The following CD226 variants were observed in gnomAD, a reference collection of about 807,000 sequenced individuals.
CD226 encodes CD226 molecule, also known as CD226 antigen.
CD226 carries 24 observed loss-of-function variants against 34.9 expected under a neutral mutation model. That is an observed-to-expected ratio of 0.69 (90% CI 0.50 to 0.97). The LOEUF (loss-of-function observed/expected upper bound fraction) is 0.97. Ranked by LOEUF, CD226 falls within the 50% of genes least tolerant of loss-of-function variation. The probability of loss-of-function intolerance (pLI) is 0.00; values close to 1 mark genes in which losing one functional copy is unlikely to be tolerated. For missense variants in CD226, 397 were observed against 412.7 expected (o/e 0.96, Z 0.33); for synonymous variants, 148 against 147.4 (o/e 1.00, Z -0.03).
At chr18:69,915,560 G>A (rs1289590589) in intron 2 of CD226, among the ~76,000 whole-genome samples, 4 of 152,072 alleles carry the variant, frequency 2.6e-5, no homozygotes, top group East Asian at 1.9e-4. Context: ...CTATTGCTAC[G>A]CGCCATTTTT....
intron 4 of CD226, among the ~76,000 whole-genome samples, chr18:69,871,325 C>A (rs1983508625): frequency 6.6e-6 from 1 of 152,172 alleles, no homozygotes. Context: ...GACTTAAGGG[C>A]AGTCCGTGAT....
intron 5 of CD226, among the ~76,000 whole-genome samples, chr18:69,865,186 C>T (rs888739350): frequency 1.2e-4 from 19 of 152,086 alleles, no homozygotes; most frequent in African/African-American, 4.1e-4. Context: ...GATGGAGTTT[C>T]GCCATGTTGG....
rs890899405 is a variant in CD226 at position 69,895,874 on chromosome 18, C to T, written c.554G>A (p.Arg185Lys). ...LLTYCNLVHG[R>K]NFTSKFPRQI... Reference sequence around the variant, plus strand: ...TCTTGGGAACTTGGAGGTGAAATTTCTGCCATGGACCAAGTTGCAGTAAGT... The same window carrying T: ...TCTTGGGAACTTGGAGGTGAAATTTTTGCCATGGACCAAGTTGCAGTAAGT... The change falls in exon 3 of 6, where the codon AGA (arginine) becomes AAA (lysine). Residue 185 changes from arginine (R) to lysine (K), a missense_variant. Physicochemically the swap from Arg to Lys is conservative, Grantham distance 26 (BLOSUM62 2). Transcript: ENST00000582621. 2.0e-5 allele frequency: 33 copies of T among 1,614,080 alleles called. No homozygotes were observed. The African/African-American group carries it at 2.9e-4, about 14-fold the overall frequency.
At position 69,873,108 on chromosome 18, in the gene CD226, T is replaced by C. The variant is rs778946212; in HGVS notation, c.830+36A>G. On this transcript the variant is annotated intron_variant, in intron 4 of 5. Transcript: ENST00000582621. Reference sequence around the variant, plus strand: ...GGTTATTAATAGAGAACCTCTAACATGGTGAATAAGATTCAGCATAAGTTG... The same window carrying C: ...GGTTATTAATAGAGAACCTCTAACACGGTGAATAAGATTCAGCATAAGTTG... 3.6e-6 allele frequency: 4 copies of C among 1,103,616 alleles called. No individual in the cohort carries two copies. The African/African-American group carries it at 4.6e-5, about 13-fold the overall frequency. 68.4% of individuals were successfully genotyped at this position (1,103,616 alleles called of 1,614,324 possible).
At chr18:69,922,275 T>A (rs1000241026) in intron 2 of CD226, among the ~76,000 whole-genome samples, 4 of 152,224 alleles carry the variant, frequency 2.6e-5, no homozygotes, top group African/African-American at 9.6e-5. Context: ...GTTGAATGTC[T>A]ATAATTTTCG....
intron 3 of CD226, among the ~76,000 whole-genome samples, chr18:69,877,373 T>G (rs1396739663): frequency 6.6e-6 from 1 of 152,182 alleles, no homozygotes; most frequent in East Asian, 1.9e-4. Context: ...GCCCTCCCTG[T>G]CCACATCACC....
chr18:69,913,184 A>T (rs12968589), intron 2 of CD226, among the ~76,000 whole-genome samples: 1 of 151,884 alleles, frequency 6.6e-6, no homozygotes, highest in African/African-American at 2.4e-5. Flanking sequence ...CCGTCTCCAC[A>T]CCCTCACCTT....
chr18:69,875,929 G>A lies in CD226; in HGVS notation c.728-2683C>T, dbSNP rs143477188. On this transcript the variant is annotated intron_variant, in intron 3 of 5. Coordinates refer to ENST00000582621, the MANE Select transcript of CD226 (RefSeq NM_001303618.2). ...GTGGGAGGGCAGAAGATAGGGAGAC[G>A]CTGGCTAAAGGGTACCAACTTTTGG... 7.9e-3 allele frequency among the ~76,000 whole-genome samples: 1,206 copies of A among 152,252 alleles called. 7 individuals carry two copies. Among genetic ancestry groups the A allele is most frequent in the Non-Finnish European group, 0.011 (772 of 68,010 alleles).
At chr18:69,923,781 C>A (rs983406806) in intron 2 of CD226, among the ~76,000 whole-genome samples, 8 of 151,840 alleles carry the variant, frequency 5.3e-5, no homozygotes, top group African/African-American at 1.9e-4. Context: ...GGTGAAACCC[C>A]GTCTCTACTA....
At chr18:69,909,018 GA>G (rs2055291110) in intron 2 of CD226, among the ~76,000 whole-genome samples, 1 of 152,088 alleles carries the variant, frequency 6.6e-6, no homozygotes, top group Non-Finnish European at 1.5e-5. Flanking sequence ...CTATTTCAAG[GA>G]AGTATTTTCT....
chr18:69,951,522 G>A (rs138298155), upstream of CD226, among the ~76,000 whole-genome samples: 1 of 151,646 alleles, frequency 6.6e-6, no homozygotes, highest in Admixed American at 6.5e-5. Flanking sequence ...GGGTGGTAGA[G>A]AGAGACAGAA....
intron 4 of CD226, among the ~76,000 whole-genome samples, chr18:69,872,540 T>C (rs563778052): frequency 6.6e-6 from 1 of 152,136 alleles, no homozygotes; most frequent in Non-Finnish European, 1.5e-5. Context: ...CACATATCAC[T>C]GTGACCAGCC....
intron 2 of CD226, among the ~76,000 whole-genome samples, chr18:69,931,514 C>A (rs1473469267): frequency 6.6e-6 from 1 of 152,056 alleles, no homozygotes; most frequent in Non-Finnish European, 1.5e-5. Context: ...TACAAAATAA[C>A]TAAGTGTACT....
intron 2 of CD226, among the ~76,000 whole-genome samples, chr18:69,940,365 A>C (rs1363105871): frequency 6.8e-6 from 1 of 146,226 alleles, no homozygotes; most frequent in Non-Finnish European, 1.5e-5. Flanking sequence ...CACAAGTGTG[A>C]AAGCAACTTT....
At chr18:69,950,971 TTGTGTGTG>T (rs57098005), upstream of CD226, among the ~76,000 whole-genome samples, 4,524 of 132,624 alleles carry the variant, frequency 0.034, 87 homozygotes, top group Non-Finnish European at 0.04. Context: ...AACTATGATT[TTGTGTGTG>T]TGTGTGTGTG....
At chr18:69,881,802 T>A (rs1480083023) in intron 3 of CD226, among the ~76,000 whole-genome samples, 2 of 152,186 alleles carry the variant, frequency 1.3e-5, no homozygotes, top group African/African-American at 4.8e-5. Flanking sequence ...ACTGTTGCCT[T>A]GGCAGACCAC....
chr18:69,903,318 G>A (rs185938284), intron 2 of CD226, among the ~76,000 whole-genome samples: 16 of 152,224 alleles, frequency 1.1e-4, no homozygotes, highest in African/African-American at 4.8e-5. Flanking sequence ...TCCCTAGAAC[G>A]CATCAGCATT....
chr18:69,909,604 G>A (rs140134853), intron 2 of CD226, among the ~76,000 whole-genome samples: 264 of 152,308 alleles, frequency 1.7e-3, no homozygotes, highest in African/African-American at 6.0e-3. Context: ...TATTAGCAGG[G>A]ATAGTTGTAA....
intron 1 of CD226, among the ~76,000 whole-genome samples, chr18:69,953,861 G>A (rs761574034): frequency 8.5e-5 from 13 of 152,122 alleles, no homozygotes; most frequent in African/African-American, 1.9e-4. Flanking sequence ...TTAGCTGTGC[G>A]TGGTGGTGCG....
Sources: gnomAD v4.1 joint callset for allele counts (sites outside exome capture counted in the v4.1 genomes callset) on GRCh38, gnomAD v4.1.1 for gene constraint, MANE v1.5 for transcripts, NCBI Gene and HGNC (gene_info 2026-07-23, HGNC 2026-07-21) for gene names.